Variants in ZNF385D observed in about 807,000 individuals in gnomAD.
The protein encoded by ZNF385D is zinc finger protein 659.
ZNF385D carries 15 observed loss-of-function variants against 35.8 expected under a neutral mutation model. The ratio of observed to expected loss-of-function variants is 0.42; its 90% CI spans 0.28 to 0.64. The LOEUF (loss-of-function observed/expected upper bound fraction) is 0.64, where lower values mean the gene tolerates loss of function less well. Among genes scored for constraint, ZNF385D ranks in the 30% least tolerant of loss-of-function variants. The pLI is 0.23. For missense variants in ZNF385D, 474 were observed against 494.6 expected (o/e 0.96, Z 0.39); for synonymous variants, 212 against 186.8 (o/e 1.13, Z -1.10).
intron 3 of ZNF385D, among the ~76,000 whole-genome samples, chr3:21,914,178 AG>A (rs1276996045): frequency 1.3e-5 from 2 of 152,132 alleles, no homozygotes; most frequent in South Asian, 2.1e-4. Context: ...TTTAGTAGAC[AG>A]GGAACCTAAA....
intron 2 of ZNF385D, among the ~76,000 whole-genome samples, chr3:22,210,141 G>C (rs35986684): frequency 4.0e-5 from 6 of 151,712 alleles, no homozygotes; most frequent in Non-Finnish European, 7.4e-5. Flanking sequence ...GAAGGCAAGT[G>C]AAAGAGTCAT....
At chr3:22,175,743 T>C (rs1165425785) in intron 2 of ZNF385D, among the ~76,000 whole-genome samples, 1 of 151,568 alleles carries the variant, frequency 6.6e-6, no homozygotes, top group East Asian at 1.9e-4. Flanking sequence ...ACTGTATATA[T>C]GTGTATAAAT....
chr3:21,952,247 C>G (rs898561615), intron 3 of ZNF385D, among the ~76,000 whole-genome samples: 1 of 151,970 alleles, frequency 6.6e-6, no homozygotes, highest in Non-Finnish European at 1.5e-5. Flanking sequence ...TCTGTATTTC[C>G]TTGCCTGGCA....
intron 3 of ZNF385D, among the ~76,000 whole-genome samples, chr3:21,895,291 G>A (rs1303712402): frequency 1.5e-5 from 2 of 134,664 alleles, no homozygotes; most frequent in African/African-American, 2.8e-5. Context: ...ATGCCTTTTT[G>A]CTATGGTTGA....
rs1700894428 is a variant in ZNF385D at position 21,424,303 on chromosome 3, A to ATT, written c.853-240_853-239insAA. Among the ~76,000 whole-genome samples, 23 of 62,588 alleles carry ATT rather than the reference A, an allele frequency of 3.7e-4. 1 individual carries two copies. Among genetic ancestry groups the ATT allele is most frequent in the African/African-American group, 1.3e-3 (21 of 15,664 alleles). The allele number at this position is 62,588 out of a possible 152,430, so 41.1% of individuals were successfully genotyped here. ...TATATATACTTATATATATATATTT[A>ATT]TATATATATATATATTTTTTTTTTT... On this transcript the variant is annotated intron_variant, in intron 6 of 7. Coordinates refer to ENST00000281523, the MANE Select transcript of ZNF385D (RefSeq NM_024697.3).
At chr3:22,328,404 A>T (rs973214827) in intron 2 of ZNF385D, among the ~76,000 whole-genome samples, 1 of 152,198 alleles carries the variant, frequency 6.6e-6, no homozygotes, top group Admixed American at 6.5e-5. Flanking sequence ...ATGTTAGTAT[A>T]TAAGTATACA....
At chr3:22,269,516 A>G (rs987599744) in intron 2 of ZNF385D, among the ~76,000 whole-genome samples, 17 of 152,088 alleles carry the variant, frequency 1.1e-4, no homozygotes, top group Middle Eastern at 3.4e-3. Flanking sequence ...TGACTTTGGC[A>G]TGACTTTCTA....
At chr3:22,048,369 A>G (rs949019273) in intron 3 of ZNF385D, among the ~76,000 whole-genome samples, 6 of 152,152 alleles carry the variant, frequency 3.9e-5, no homozygotes, top group African/African-American at 7.2e-5. Context: ...TAGCAGTTTT[A>G]TAGATCCAGG....
At chr3:22,221,763 G>A (rs990016863) in intron 2 of ZNF385D, among the ~76,000 whole-genome samples, 1 of 152,084 alleles carries the variant, frequency 6.6e-6, no homozygotes, top group Non-Finnish European at 1.5e-5. Flanking sequence ...GCTAGTGCAA[G>A]GATTGAAAAA....
chr3:22,244,846 C>A (rs1178063728), intron 2 of ZNF385D, among the ~76,000 whole-genome samples: 5 of 143,544 alleles, frequency 3.5e-5, no homozygotes, highest in African/African-American at 1.3e-4. Context: ...ATCTGCTATA[C>A]AACTTGGGCT....
chr3:21,647,306 A>G (rs1025890936), intron 2 of ZNF385D, among the ~76,000 whole-genome samples: 2 of 116,794 alleles, frequency 1.7e-5, no homozygotes, highest in African/African-American at 6.2e-5. Context: ...GGCAGCAGTG[A>G]ATTAATTAAT....
intron 3 of ZNF385D, among the ~76,000 whole-genome samples, chr3:22,059,121 G>T (rs1699563236): frequency 6.6e-6 from 1 of 152,196 alleles, no homozygotes; most frequent in Non-Finnish European, 1.5e-5. Flanking sequence ...CTTGGCTCAA[G>T]AATTAACCTA....
intron 1 of ZNF385D, among the ~76,000 whole-genome samples, chr3:21,675,335 C>G (rs1389446544): frequency 6.6e-6 from 1 of 151,880 alleles, no homozygotes; most frequent in Non-Finnish European, 1.5e-5. Context: ...CCCTTGATTC[C>G]CGTGGCATAA....
intron 3 of ZNF385D, among the ~76,000 whole-genome samples, chr3:22,013,306 T>C (rs1283142866): frequency 1.3e-5 from 2 of 152,180 alleles, no homozygotes. Flanking sequence ...TATATATAAA[T>C]TCTATTACAT....
At chr3:22,229,580 T>C (rs886810678) in intron 2 of ZNF385D, among the ~76,000 whole-genome samples, 3 of 152,170 alleles carry the variant, frequency 2.0e-5, no homozygotes, top group African/African-American at 7.2e-5. Context: ...TTACCTGCCC[T>C]GAAGTTAGAA....
At chr3:21,904,977 T>C (rs259502) in intron 3 of ZNF385D, among the ~76,000 whole-genome samples, 57,190 of 151,636 alleles carry the variant, frequency 0.38, 11,412 homozygotes, top group African/African-American at 0.48. Context: ...ATATTTTTGA[T>C]GAGTGAAAAA....
intron 2 of ZNF385D, among the ~76,000 whole-genome samples, chr3:21,604,863 G>A (rs2125773763): frequency 6.6e-6 from 1 of 152,288 alleles, no homozygotes; most frequent in African/African-American, 2.4e-5. Flanking sequence ...GTTAAGGAAA[G>A]GCTAGTTTTA....
intron 3 of ZNF385D, among the ~76,000 whole-genome samples, chr3:21,801,068 C>G (rs187965734): frequency 3.4e-4 from 51 of 152,180 alleles, no homozygotes; most frequent in Non-Finnish European, 4.9e-4. Flanking sequence ...TTTTCTGCAT[C>G]AATTTAGATG....
chr3:22,362,040 A>G (rs1696433476), intron 2 of ZNF385D, among the ~76,000 whole-genome samples: 1 of 151,310 alleles, frequency 6.6e-6, no homozygotes, highest in Non-Finnish European at 1.5e-5. Flanking sequence ...TAATTATATT[A>G]TTAATATATT....
Sources: gnomAD v4.1 joint callset for allele counts (sites outside exome capture counted in the v4.1 genomes callset) on GRCh38, gnomAD v4.1.1 for gene constraint, MANE v1.5 for transcripts, NCBI Gene and HGNC (gene_info 2026-07-23, HGNC 2026-07-21) for gene names.